NCKAP5: variants seen among roughly 807,000 people sequenced by gnomAD.
The protein encoded by NCKAP5 is NCK associated protein 5, also known as nck-associated protein 5.
Under a neutral mutation model 167.0 loss-of-function variants are expected in NCKAP5, and 92 were observed. The observed-to-expected ratio is 0.55, with a 90% CI of 0.47 to 0.66. The LOEUF is 0.66. NCKAP5 is among the 30% of genes least tolerant of loss of function. The probability of loss-of-function intolerance (pLI) is 0.00; values close to 1 mark genes in which losing one functional copy is unlikely to be tolerated. For synonymous variants in NCKAP5, 891 were observed against 877.4 expected (o/e 1.02, Z -0.27); for missense variants, 2,378 against 2,315.0 (o/e 1.03, Z -0.56).
At chr2:133,094,755 A>C (rs1476774181) in intron 6 of NCKAP5, among the ~76,000 whole-genome samples, 2 of 152,226 alleles carry the variant, frequency 1.3e-5, no homozygotes. Flanking sequence ...GACCTAATCT[A>C]ATCATACATG....
intron 6 of NCKAP5, among the ~76,000 whole-genome samples, chr2:133,030,886 G>A (rs563042275): frequency 4.8e-4 from 73 of 152,216 alleles, no homozygotes; most frequent in African/African-American, 1.4e-3. Context: ...TCTGGTGGCT[G>A]CTGCCTTCCT....
rs991703901 is a variant in NCKAP5, at chr2:133,155,894, T to A, written c.208-25783A>T. Among the ~76,000 whole-genome samples, 4 of 152,216 alleles carry A rather than the reference T, an allele frequency of 2.6e-5. No homozygotes were observed. The East Asian group carries it at 7.7e-4, about 29-fold the overall frequency. ...TCATGTGAGCCAAAATAAGTCTTTC[T>A]CTTTTTCTACGTGTGTGCACACACA... On this transcript the variant is annotated intron_variant, in intron 5 of 19. Coordinates refer to ENST00000409261, the MANE Select transcript of NCKAP5 (RefSeq NM_207363.3).
chr2:133,310,662 G>A (rs1681169138), intron 3 of NCKAP5, among the ~76,000 whole-genome samples: 2 of 152,206 alleles, frequency 1.3e-5, no homozygotes, highest in African/African-American at 2.4e-5. Flanking sequence ...CCCTTTGGAT[G>A]TGCCACATAC....
chr2:133,421,588 G>A (rs1010481018), intron 3 of NCKAP5, among the ~76,000 whole-genome samples: 1 of 152,122 alleles, frequency 6.6e-6, no homozygotes, highest in African/African-American at 2.4e-5. Context: ...GAGCGTCTGG[G>A]ATACAAGCCA....
Position 133,156,854 on chromosome 2 carries a change from T to A in NCKAP5, c.208-26743A>T, listed in dbSNP as rs146607253. Among the ~76,000 whole-genome samples, 112 of 152,264 alleles carry A rather than the reference T, an allele frequency of 7.4e-4. 1 individual carries two copies. The East Asian group carries it at 0.02, about 27-fold the overall frequency. On this transcript the variant is annotated intron_variant, in intron 5 of 19. Transcript: ENST00000409261. ...TTACCCAATGAACATGAGCCAGATTTTTTAGGGTTTGCATGCAAGATCCTT... is the reference window on the plus strand; with the variant it reads ...TTACCCAATGAACATGAGCCAGATTATTTAGGGTTTGCATGCAAGATCCTT...
At chr2:133,225,318 G>C (rs554236963) in intron 4 of NCKAP5, among the ~76,000 whole-genome samples, 1 of 152,292 alleles carries the variant, frequency 6.6e-6, no homozygotes, top group Admixed American at 6.5e-5. Context: ...GGTGACGATA[G>C]CCCTTACATG....
intron 11 of NCKAP5, among the ~76,000 whole-genome samples, chr2:132,828,396 T>TTA (rs1476114705): frequency 6.6e-6 from 1 of 152,074 alleles, no homozygotes; most frequent in African/African-American, 2.4e-5. Context: ...TAGTGAGTAG[T>TTA]TACAGCGAGA....
the NCKAP5 span, among the ~76,000 whole-genome samples, chr2:133,654,463 C>G: frequency 2.6e-5 from 4 of 152,048 alleles, no homozygotes; most frequent in Non-Finnish European, 5.9e-5. Flanking sequence ...AATAGAAGTT[C>G]CTATTCCCAA....
chr2:133,612,257 T>C, the NCKAP5 span, among the ~76,000 whole-genome samples: 1 of 152,234 alleles, frequency 6.6e-6, no homozygotes, highest in African/African-American at 2.4e-5. Flanking sequence ...TGTTATTGTA[T>C]AAAAGAAACA....
chr2:132,757,549 T>C (rs1398175796), intron 16 of NCKAP5, among the ~76,000 whole-genome samples: 1 of 152,222 alleles, frequency 6.6e-6, no homozygotes, highest in African/African-American at 2.4e-5. Flanking sequence ...CTTTTCTCAG[T>C]CACACATTTC....
At chr2:132,700,551 A>G (rs1344172817) in intron 19 of NCKAP5, among the ~76,000 whole-genome samples, 9 of 152,188 alleles carry the variant, frequency 5.9e-5, no homozygotes, top group Non-Finnish European at 2.9e-5. Context: ...ATGGCTAGCC[A>G]GTTTTCCCAG....
chr2:132,913,017 G>T (rs567795522), intron 8 of NCKAP5, among the ~76,000 whole-genome samples: 1 of 151,998 alleles, frequency 6.6e-6, no homozygotes, highest in South Asian at 2.1e-4. Flanking sequence ...AATTTAATAT[G>T]CTGCCCTCAA....
chr2:132,783,198 C>T lies in NCKAP5; in HGVS notation c.3613G>A (p.Glu1205Lys). 1.9e-6 allele frequency: 3 copies of T among 1,613,994 alleles called. No homozygotes were observed. Among genetic ancestry groups the T allele is most frequent in the Non-Finnish European group, 2.5e-6 (3 of 1,179,888 alleles). ...GAATCCGGTAGGGTCACATTTCTTT[C>T]ACCCGCTGTGATCTCCATGCTTGCT... is the stretch of plus-strand genomic sequence containing the variant. ...NPASMEITAG[E>K]RNVTLPDSQA... The change falls in exon 14 of 20, where the codon GAA (glutamate) becomes AAA (lysine). Residue 1205 changes from glutamate to lysine, a missense_variant. Glu to Lys is a moderately conservative substitution (Grantham distance 56, BLOSUM62 1). This residue lies in a region of NCKAP5 where 1,325 missense variants were observed against 1,274.5 expected (regional missense o/e 1.04). Transcript: ENST00000409261.
chr2:133,060,252 T>C (rs1573905316), intron 6 of NCKAP5, among the ~76,000 whole-genome samples: 1 of 152,288 alleles, frequency 6.6e-6, no homozygotes, highest in South Asian at 2.1e-4. Flanking sequence ...TAACTCTAAA[T>C]ATCACATACA....
chr2:132,806,129 G>T (rs983099969), intron 11 of NCKAP5, among the ~76,000 whole-genome samples: 2 of 152,112 alleles, frequency 1.3e-5, no homozygotes, highest in Non-Finnish European at 2.9e-5. Flanking sequence ...TGGCTGTGTA[G>T]TATTCCATTG....
At chr2:132,982,953 A>G (rs576490410) in intron 7 of NCKAP5, among the ~76,000 whole-genome samples, 80 of 152,140 alleles carry the variant, frequency 5.3e-4, no homozygotes, top group African/African-American at 1.9e-3. Flanking sequence ...TCTTTTCATG[A>G]GATGTCTTTC....
chr2:133,565,259 G>GA (rs1248790353), intron 1 of NCKAP5, among the ~76,000 whole-genome samples: 2 of 152,172 alleles, frequency 1.3e-5, no homozygotes, highest in East Asian at 3.9e-4. Context: ...GGCTGGATCT[G>GA]AATCCCACCT....
intron 15 of NCKAP5, among the ~76,000 whole-genome samples, chr2:132,776,911 A>T (rs571735748): frequency 6.6e-6 from 1 of 152,316 alleles, no homozygotes; most frequent in East Asian, 1.9e-4. Flanking sequence ...CAAGTGGGAC[A>T]GTCTCCATGT....
chr2:132,974,297 T>A (rs1199191214), intron 7 of NCKAP5, among the ~76,000 whole-genome samples: 1 of 152,136 alleles, frequency 6.6e-6, no homozygotes, highest in Non-Finnish European at 1.5e-5. Context: ...AGCAACAATA[T>A]AAAAAGCTAT....
Sources: gnomAD v4.1 joint callset for allele counts (sites outside exome capture counted in the v4.1 genomes callset) on GRCh38, gnomAD v4.1.1 for gene constraint, gnomAD v4.1.1 regional missense constraint, MANE v1.5 for transcripts, NCBI Gene and HGNC (gene_info 2026-07-23, HGNC 2026-07-21) for gene names.